YIPF4: variants seen among roughly 807,000 people sequenced by gnomAD.
The protein encoded by YIPF4 is protein YIPF4.
YIPF4 carries 18 observed loss-of-function variants against 29.4 expected under a neutral mutation model. That is an observed-to-expected ratio of 0.61 (90% CI 0.42 to 0.91). YIPF4 has a LOEUF of 0.91. Among genes scored for constraint, YIPF4 ranks in the 40% least tolerant of loss-of-function variants. The pLI, the probability that YIPF4 is intolerant of heterozygous loss-of-function variation, is 0.00. For synonymous variants in YIPF4, 115 were observed against 104.7 expected, an observed-to-expected ratio of 1.10 and a Z score of -0.60; for missense variants, 279 against 282.7, an observed-to-expected ratio of 0.99 and a Z score of 0.09.
Position 32,306,249 on chromosome 2 carries a change from C to CT in YIPF4, c.*625dup, listed in dbSNP as rs2031578221. 5 of 949,708 alleles carry CT rather than the reference C, an allele frequency of 5.3e-6. No individual in the cohort carries two copies. The African/African-American group carries it at 8.9e-5, about 17-fold the overall frequency. 58.8% of individuals were successfully genotyped at this position (949,708 alleles called of 1,614,324 possible). A position where few individuals can be genotyped will look rare whatever the true frequency, so the allele number is the denominator to read the frequency against. ...CTTCGATACTTCCTTGTTAAGAATT[C>CT]TTAATAACTACTAAAACTGATTTTT... On this transcript the variant is annotated 3_prime_UTR_variant, in exon 6 of 6. Coordinates refer to ENST00000238831, the MANE Select transcript of YIPF4 (RefSeq NM_032312.4).
intron 3 of YIPF4, 93 bp downstream of exon 3, chr2:32,292,441 G>T (rs2030958820): frequency 1.0e-6 from 1 of 977,382 alleles, no homozygotes; most frequent in Admixed American, 3.7e-5. Flanking sequence ...ACCATATTAT[G>T]TTTGAGAAAT....
chr2:32,302,770 T>C (rs959172620), intron 5 of YIPF4, among the ~76,000 whole-genome samples: 7 of 152,192 alleles, frequency 4.6e-5, no homozygotes, highest in Admixed American at 1.3e-4. Flanking sequence ...ACTGCTGTTA[T>C]GTAGCTTCCA....
chr2:32,306,457 A>T lies in YIPF4; in HGVS notation c.*831A>T. The T allele has an allele frequency of 3.0e-6, 3 of 984,030 alleles. No individual in the cohort carries two copies. The highest frequency in any genetic ancestry group is 3.6e-6 in the Non-Finnish European group (3 of 828,348). The allele number at this position is 984,030 out of a possible 1,614,324, so 61.0% of individuals were successfully genotyped here. A position where few individuals can be genotyped will look rare whatever the true frequency, so the allele number is the denominator to read the frequency against. On this transcript the variant is annotated 3_prime_UTR_variant, in exon 6 of 6. Transcript: ENST00000238831. Reference sequence around the variant, plus strand: ...AAACAGTAATATTTACAGCATCAGTAAATATTTTTAAGTGGTACTTCTAAA... The same window carrying T: ...AAACAGTAATATTTACAGCATCAGTTAATATTTTTAAGTGGTACTTCTAAA...
intron 3 of YIPF4, among the ~76,000 whole-genome samples, chr2:32,294,174 C>T (rs1309291692): frequency 6.6e-6 from 1 of 151,912 alleles, no homozygotes; most frequent in Non-Finnish European, 1.5e-5. Context: ...GGGCTGACCC[C>T]CACCTCCCTC....
At chr2:32,298,760 T>G (rs2031287457) in intron 4 of YIPF4, among the ~76,000 whole-genome samples, 1 of 152,148 alleles carries the variant, frequency 6.6e-6, no homozygotes, top group Admixed American at 6.5e-5. Context: ...GGTTTCACCA[T>G]GTTGGCCAGG....
At chr2:32,293,526 A>G (rs962597818) in intron 3 of YIPF4, among the ~76,000 whole-genome samples, 10 of 152,266 alleles carry the variant, frequency 6.6e-5, no homozygotes, top group African/African-American at 1.4e-4. Context: ...CGATTTCTCA[A>G]TCTTTTCCCC....
At chr2:32,291,977 A>T (rs1267950820) in intron 2 of YIPF4, among the ~76,000 whole-genome samples, 200 bp from the exon 3 acceptor site, 2 of 152,218 alleles carry the variant, frequency 1.3e-5, no homozygotes, top group Non-Finnish European at 2.9e-5. Flanking sequence ...AGTGATAGAG[A>T]TATGTCCCAC....
intron 3 of YIPF4, among the ~76,000 whole-genome samples, chr2:32,292,615 CA>C (rs2030965763): frequency 2.6e-5 from 4 of 151,952 alleles, no homozygotes; most frequent in Non-Finnish European, 5.9e-5. Flanking sequence ...GTAATCCCAG[CA>C]CTTTGGGAGG....
In YIPF4 at chr2:32,298,877, A is replaced by AT. The variant is rs1180316237; in HGVS notation, c.483+568dup. On this transcript the variant is annotated intron_variant, in intron 4 of 5. Transcript: ENST00000238831. The stretch of plus-strand genomic sequence containing the variant: ...CCAGACAAAATTTATTTATTTATTT[A>AT]TTATTATTATTTTTTTTTGAGATGG... Among the ~76,000 whole-genome samples, 10 of 151,356 alleles carry AT rather than the reference A, an allele frequency of 6.6e-5. No individual in the cohort carries two copies. The South Asian group carries it at 1.0e-3, about 16-fold the overall frequency.
At chr2:32,301,265 TTTC>T in intron 4 of YIPF4, 114 bp from the exon 5 acceptor site, 2 of 665,734 alleles carry the variant, frequency 3.0e-6, no homozygotes, top group Non-Finnish European at 5.2e-6. Flanking sequence ...TAGTTTATGA[TTTC>T]TTCTTAATGC....
chr2:32,305,590 A>T lies in YIPF4; in HGVS notation c.699A>T (p.Leu233Phe), dbSNP rs781039140. The T allele has an allele frequency of 1.2e-6, 2 of 1,607,896 alleles. No individual in the cohort carries two copies. Among genetic ancestry groups the T allele is most frequent in the African/African-American group, 2.7e-5 (2 of 74,614 alleles). Residue 233 changes from leucine to phenylalanine, a missense_variant, in exon 6 of 6, where the codon TTA becomes TTT. By Grantham distance (22) the Leu-to-Phe change is conservative. Transcript: ENST00000238831. ...TTCTGATTTATCCAATCTTTTTATT[A>T]TACATTTATTTTTTGTCGTTATATA... is the stretch of plus-strand genomic sequence containing the variant. The part of the protein sequence containing the change: ...KPLLIYPIFL[L>F]YIYFLSLYTG...
chr2:32,294,827 G>A (rs2031104384), intron 3 of YIPF4, among the ~76,000 whole-genome samples: 1 of 152,260 alleles, frequency 6.6e-6, no homozygotes, highest in African/African-American at 2.4e-5. Context: ...CACCTCCGGA[G>A]GCCGAGGCTG....
chr2:32,304,271 A>T (rs1202732434), intron 5 of YIPF4, among the ~76,000 whole-genome samples: 1 of 152,144 alleles, frequency 6.6e-6, no homozygotes, highest in Non-Finnish European at 1.5e-5. Flanking sequence ...ATTTTATTTA[A>T]CATTAAATCT....
intron 4 of YIPF4, 25 bp downstream of exon 4, chr2:32,298,336 T>A: frequency 6.5e-7 from 1 of 1,544,902 alleles, no homozygotes; most frequent in Non-Finnish European, 8.9e-7. Flanking sequence ...TTGAAAATAA[T>A]CTTCCTTATT....
At chr2:32,295,902 C>G (rs186827564) in intron 3 of YIPF4, among the ~76,000 whole-genome samples, 213 of 152,264 alleles carry the variant, frequency 1.4e-3, no homozygotes, top group African/African-American at 4.9e-3. Context: ...TGTGCCCAGC[C>G]TCAGTTTTCA....
chr2:32,283,797 A>G (rs998943558), intron 1 of YIPF4, among the ~76,000 whole-genome samples: 1 of 150,690 alleles, frequency 6.6e-6, no homozygotes, highest in African/African-American at 2.4e-5. Flanking sequence ...GGCTCATTGC[A>G]ACCTCTGCCT....
At position 32,278,227 on chromosome 2, in the gene YIPF4, C is replaced by G. The variant is rs1036776873; in HGVS notation, c.72C>G (p.Asp24Glu). The change falls in exon 1 of 6, where the codon GAC (aspartate) becomes GAG (glutamate). Residue 24 changes from aspartate (D) to glutamate (E), a missense_variant. Transcript: ENST00000238831. The stretch of plus-strand genomic sequence containing the variant: ...ACTTCACCTTTGTCTCCTCAGCAGA[C>G]GCGGAAGGTGAGGCTGAGCCCCTGG... ...NGDFTFVSSADAEDLSGSIAS... is the reference protein window; with the variant it reads ...NGDFTFVSSAEAEDLSGSIAS... The G allele has an allele frequency of 7.0e-6, 11 of 1,563,672 alleles. No individual in the cohort carries two copies. In the African/African-American group the frequency reaches 1.5e-4, roughly 21 times the overall value.
At position 32,307,897 on chromosome 2, in the gene YIPF4, C is replaced by G. The variant is rs1166604651; in HGVS notation, c.*2271C>G. 8.1e-6 allele frequency: 1 copy of G among 123,294 alleles called. No homozygotes were observed. The highest frequency in any genetic ancestry group is 1.6e-5 in the Non-Finnish European group (1 of 62,956). The allele number at this position is 123,294 out of a possible 1,614,324, so 7.6% of individuals were successfully genotyped here. Reference sequence around the variant, plus strand: ...AGTGAGCCAAGATTGTGCCATTGCACTCCAGCCTGGGTAACAGAGCAAGAC... The same window carrying G: ...AGTGAGCCAAGATTGTGCCATTGCAGTCCAGCCTGGGTAACAGAGCAAGAC... On this transcript the variant is annotated 3_prime_UTR_variant, in exon 6 of 6. Coordinates refer to ENST00000238831, the MANE Select transcript of YIPF4 (RefSeq NM_032312.4).
Position 32,305,667 on chromosome 2 carries a change from G to C in YIPF4, c.*41G>C. ...AATAGAAAAAGATGGTGTTAAATTTGTGTGTAGGCTGGGAATTCTTGCTGA... is the reference window on the plus strand; with the variant it reads ...AATAGAAAAAGATGGTGTTAAATTTCTGTGTAGGCTGGGAATTCTTGCTGA... On this transcript the variant is annotated 3_prime_UTR_variant, in exon 6 of 6. Transcript: ENST00000238831. The C allele has an allele frequency of 7.0e-7, 1 of 1,436,222 alleles. No homozygotes were observed. Among genetic ancestry groups the C allele is most frequent in the Non-Finnish European group, 9.2e-7 (1 of 1,091,224 alleles). The allele number at this position is 1,436,222 out of a possible 1,614,324, so 89.0% of individuals were successfully genotyped here. A position where few individuals can be genotyped will look rare whatever the true frequency, so the allele number is the denominator to read the frequency against.
Sources: allele counts gnomAD v4.1 joint callset (sites outside exome capture counted in the v4.1 genomes callset), GRCh38; gene constraint gnomAD v4.1.1; transcripts MANE v1.5; gene names NCBI Gene and HGNC (gene_info 2026-07-23, HGNC 2026-07-21).